The following CACNG2 variants were observed in gnomAD, a reference collection of about 807,000 sequenced individuals.
CACNG2 encodes calcium voltage-gated channel auxiliary subunit gamma 2.
In CACNG2, 3 loss-of-function variants were observed where a neutral mutation model predicts 25.9. The observed-to-expected ratio is 0.12, with a 90% confidence interval of 0.05 to 0.30. The LOEUF (loss-of-function observed/expected upper bound fraction) is 0.30, where lower values mean the gene tolerates loss of function less well. CACNG2 is among the 10% of genes least tolerant of loss of function. The pLI is 1.00. For missense variants in CACNG2, 341 were observed against 432.5 expected (o/e 0.79, Z 1.88); for synonymous variants, 167 against 173.3 (o/e 0.96, Z 0.29).
rs1935126177 is a variant in CACNG2 at position 36,566,397 on chromosome 22, C to T, written c.392G>A (p.Arg131Gln). 21 of 1,614,006 alleles carry T rather than the reference C, an allele frequency of 1.3e-5. No individual in the cohort carries two copies. The highest frequency in any genetic ancestry group is 1.7e-5 in the Admixed American group (1 of 60,004). The change falls in exon 3 of 4, where the codon CGA becomes CAA. Residue 131 changes from arginine to glutamine, a missense_variant. Arg to Gln is a conservative substitution (Grantham distance 43, BLOSUM62 1). Coordinates refer to ENST00000300105, the MANE Select transcript of CACNG2 (RefSeq NM_006078.5). ...GCCGGCACTCAGGATGATGTTGTGTCGAGTTTTGTAGAACTCGCTGGCTGC... is the reference window on the plus strand; with the variant it reads ...GCCGGCACTCAGGATGATGTTGTGTTGAGTTTTGTAGAACTCGCTGGCTGC... ...CIAASEFYKT[R>Q]HNIILSAGIF...
chr22:36,655,548 T>C (rs1008038728), intron 1 of CACNG2, among the ~76,000 whole-genome samples: 1 of 152,222 alleles, frequency 6.6e-6, no homozygotes, highest in African/African-American at 2.4e-5. Flanking sequence ...CCTTTATAGA[T>C]TCAGCCCATA....
chr22:36,674,680 T>G (rs1457560813), intron 1 of CACNG2, among the ~76,000 whole-genome samples: 1 of 152,202 alleles, frequency 6.6e-6, no homozygotes, highest in Non-Finnish European at 1.5e-5. Flanking sequence ...ATGAGGAAAC[T>G]GAGGCCTAAT....
At chr22:36,590,188 G>T (rs1935566842) in intron 1 of CACNG2, among the ~76,000 whole-genome samples, 3 of 152,226 alleles carry the variant, frequency 2.0e-5, no homozygotes, top group Admixed American at 2.0e-4. Context: ...TGCAAGCCTG[G>T]GCTTCACTCA....
intron 2 of CACNG2, among the ~76,000 whole-genome samples, chr22:36,582,173 T>G (rs111358033): frequency 2.0e-4 from 31 of 152,304 alleles, no homozygotes; most frequent in African/African-American, 7.2e-4. Context: ...TTTCAGTCCC[T>G]TATGAACACA....
chr22:36,610,790 G>C (rs1386285124), intron 1 of CACNG2, among the ~76,000 whole-genome samples: 5 of 152,240 alleles, frequency 3.3e-5, no homozygotes, highest in African/African-American at 1.2e-4. Flanking sequence ...GGGAGGCTGA[G>C]TTGGTTGCAC....
intron 1 of CACNG2, among the ~76,000 whole-genome samples, chr22:36,599,083 G>A (rs73884113): frequency 0.014 from 2,129 of 152,320 alleles, 47 homozygotes; most frequent in African/African-American, 0.048. Flanking sequence ...TGCACACGAT[G>A]TATGAGAATG....
At chr22:36,640,624 G>C (rs1183623403) in intron 1 of CACNG2, among the ~76,000 whole-genome samples, 1 of 152,210 alleles carries the variant, frequency 6.6e-6, no homozygotes, top group Non-Finnish European at 1.5e-5. Flanking sequence ...GCAGAAGGTA[G>C]GGCCCGAGCC....
chr22:36,672,244 C>A (rs1394299064), intron 1 of CACNG2, among the ~76,000 whole-genome samples: 1 of 152,136 alleles, frequency 6.6e-6, no homozygotes, highest in East Asian at 1.9e-4. Context: ...GCAGCCTCAA[C>A]CTCCTGGGCT....
At chr22:36,619,745 T>C (rs1286155671) in intron 1 of CACNG2, among the ~76,000 whole-genome samples, 1 of 152,224 alleles carries the variant, frequency 6.6e-6, no homozygotes, top group Non-Finnish European at 1.5e-5. Context: ...ACTTAAGAAG[T>C]GAAAGTGCTA....
chr22:36,576,326 C>T lies in CACNG2; in HGVS notation c.296-9833G>A, dbSNP rs143854905. Among the ~76,000 whole-genome samples the T allele has an allele frequency of 7.1e-3, 1,083 of 152,034 alleles. 18 individuals carry two copies. Among genetic ancestry groups the T allele is most frequent in the African/African-American group, 0.024 (1,004 of 41,440 alleles). On this transcript the variant is annotated intron_variant, in intron 2 of 3. Coordinates refer to ENST00000300105, the MANE Select transcript of CACNG2 (RefSeq NM_006078.5). ...TCACTCATAAGTGGGAGCTAACCTACGAGGATGCAAAGGCATAAGAATGAT... is the reference window on the plus strand; with the variant it reads ...TCACTCATAAGTGGGAGCTAACCTATGAGGATGCAAAGGCATAAGAATGAT...
At chr22:36,589,237 G>C (rs1024417913) in intron 1 of CACNG2, among the ~76,000 whole-genome samples, 1 of 152,100 alleles carries the variant, frequency 6.6e-6, no homozygotes, top group Admixed American at 6.6e-5. Flanking sequence ...TGATCTGCCT[G>C]CCTTGGCCTC....
intron 1 of CACNG2, among the ~76,000 whole-genome samples, chr22:36,610,773 A>G (rs577021584): frequency 6.6e-6 from 1 of 152,314 alleles, no homozygotes; most frequent in African/African-American, 2.4e-5. Context: ...AGCGAAGACC[A>G]AGGTCAGGGA....
intron 2 of CACNG2, among the ~76,000 whole-genome samples, chr22:36,571,385 A>T (rs1449151218): frequency 2.6e-5 from 4 of 152,026 alleles, no homozygotes; most frequent in Non-Finnish European, 5.9e-5. Flanking sequence ...TGAACCCGGG[A>T]GGCAGAGGTT....
chr22:36,578,960 G>A (rs540645366), intron 2 of CACNG2, among the ~76,000 whole-genome samples: 3 of 152,166 alleles, frequency 2.0e-5, no homozygotes, highest in East Asian at 1.9e-4. Flanking sequence ...GAAACAGACC[G>A]GCAATAGAGT....
chr22:36,663,588 G>A (rs1936830917), intron 1 of CACNG2, among the ~76,000 whole-genome samples: 1 of 152,184 alleles, frequency 6.6e-6, no homozygotes, highest in South Asian at 2.1e-4. Context: ...GAAGATCACA[G>A]GAACTAGAGG....
chr22:36,613,079 T>C (rs1209502638), intron 1 of CACNG2, among the ~76,000 whole-genome samples: 1 of 152,150 alleles, frequency 6.6e-6, no homozygotes, highest in Non-Finnish European at 1.5e-5. Context: ...GCCTTTACTA[T>C]GCTAACTGCA....
intron 2 of CACNG2, chr22:36,585,018 C>T (rs928756747): frequency 2.0e-5 from 3 of 152,338 alleles, no homozygotes; most frequent in Non-Finnish European, 2.9e-5. Flanking sequence ...CCTCTGGAAG[C>T]CTGTTGCTTG....
At chr22:36,585,973 C>T (rs1935496210) in intron 2 of CACNG2, among the ~76,000 whole-genome samples, 1 of 152,260 alleles carries the variant, frequency 6.6e-6, no homozygotes, top group Non-Finnish European at 1.5e-5. Context: ...TGCCCCCAGG[C>T]ACTTACTGCC....
At position 36,562,571 on chromosome 22, in the gene CACNG2, G is replaced by T. The variant is rs891149149; in HGVS notation, c.*1780C>A. On this transcript the variant is annotated 3_prime_UTR_variant, in exon 4 of 4. Transcript: ENST00000300105. The stretch of plus-strand genomic sequence containing the variant: ...AGGTTGTGAATGAACACAAAGGCCA[G>T]TGTGGAGTTGTTGTCGTCCATGGCT... 1 of 152,226 alleles carries T rather than the reference G, an allele frequency of 6.6e-6. No individual in the cohort carries two copies. The highest frequency in any genetic ancestry group is 1.5e-5 in the Non-Finnish European group (1 of 68,088). The allele number at this position is 152,226 out of a possible 1,614,324, so 9.4% of individuals were successfully genotyped here.
Sources: allele counts gnomAD v4.1 joint callset (sites outside exome capture counted in the v4.1 genomes callset), GRCh38; gene constraint gnomAD v4.1.1; transcripts MANE v1.5; gene names NCBI Gene and HGNC (gene_info 2026-07-23, HGNC 2026-07-21).